DRC4: variants seen among roughly 807,000 people sequenced by gnomAD.
DRC4 encodes the protein GAS-11.
At chr16:90,020,006 G>T in the DRC4 span, 9 of 699,690 alleles carry the variant, frequency 1.3e-5, no homozygotes, top group Non-Finnish European at 1.3e-5. Context: ...CGCCAAGGCA[G>T]TTTCGATGAA....
the DRC4 span, among the ~76,000 whole-genome samples, chr16:90,022,379 G>C: frequency 1.3e-5 from 2 of 152,132 alleles, no homozygotes; most frequent in African/African-American, 4.8e-5. Context: ...TCATCAGCAC[G>C]TCTTTACTGA....
chr16:90,024,560 G>C, the DRC4 span, among the ~76,000 whole-genome samples: 3 of 152,172 alleles, frequency 2.0e-5, no homozygotes, highest in African/African-American at 7.2e-5. Context: ...CACAGCTACA[G>C]AATCAGGGTC....
chr16:90,032,336 C>T, the DRC4 span, among the ~76,000 whole-genome samples: 8 of 144,668 alleles, frequency 5.5e-5, no homozygotes, highest in African/African-American at 2.1e-4. Flanking sequence ...CAGGAGTGTA[C>T]AGGTATGTAC....
the DRC4 span, chr16:90,042,332 C>G: frequency 2.8e-6 from 2 of 717,722 alleles, no homozygotes; most frequent in South Asian, 1.5e-5. Flanking sequence ...TGCTGACAAC[C>G]CTGTGTGGAT....
chr16:90,025,870 C>CAAA, the DRC4 span, among the ~76,000 whole-genome samples: 2 of 84,710 alleles, frequency 2.4e-5, no homozygotes, highest in African/African-American at 4.2e-5. Flanking sequence ...GACTCCATCT[C>CAAA]AAAAAAAAAA....
the DRC4 span, chr16:90,036,543 A>G: frequency 1.9e-6 from 3 of 1,604,312 alleles, no homozygotes; most frequent in Non-Finnish European, 1.7e-6. Flanking sequence ...AACTACTACA[A>G]CGACATCACC....
the DRC4 span, among the ~76,000 whole-genome samples, chr16:90,027,220 G>C: frequency 6.6e-6 from 1 of 151,762 alleles, no homozygotes; most frequent in East Asian, 1.9e-4. Context: ...CGAGTAGCTG[G>C]GACTACAGGC....
the DRC4 span, chr16:90,032,921 G>C: frequency 1.2e-6 from 2 of 1,612,928 alleles, no homozygotes; most frequent in Non-Finnish European, 8.5e-7. Flanking sequence ...AGAACCTGCG[G>C]CTGGTAGGTG....
chr16:90,044,026 A>G, the DRC4 span: 1 of 433,142 alleles, frequency 2.3e-6, no homozygotes, highest in Non-Finnish European at 4.7e-6. Context: ...ATAAGGGGAT[A>G]GCAGCAAACC....
At chr16:90,030,297 A>G in the DRC4 span, among the ~76,000 whole-genome samples, 50 of 151,938 alleles carry the variant, frequency 3.3e-4, no homozygotes, top group South Asian at 8.1e-3. Context: ...TTAATGTGAT[A>G]TTTCTCCTAG....
the DRC4 span, among the ~76,000 whole-genome samples, chr16:90,039,067 A>C: frequency 6.6e-6 from 1 of 152,248 alleles, no homozygotes. Flanking sequence ...GTCCTGCACG[A>C]CGTGCATTGC....
At chr16:90,019,846 G>A in the DRC4 span, 1 of 686,970 alleles carries the variant, frequency 1.5e-6, no homozygotes, top group South Asian at 1.5e-5. This position sits in a 1 kb window ranked among gnomAD's most constrained non-coding sequence, Gnocchi z 6.1. Context: ...CCTGACTCGC[G>A]CTGGGTAATG....
chr16:90,043,817 G>C, the DRC4 span: 2 of 467,706 alleles, frequency 4.3e-6, no homozygotes, highest in African/African-American at 4.0e-5. Flanking sequence ...GTGAGCCAAT[G>C]CTCCCTGATG....
At chr16:90,031,117 G>A in the DRC4 span, 1 of 1,381,654 alleles carries the variant, frequency 7.2e-7, no homozygotes, top group Non-Finnish European at 9.7e-7. Flanking sequence ...TCTGCCACCT[G>A]CTGAATGCAT....
the DRC4 span, among the ~76,000 whole-genome samples, chr16:90,032,182 TGTACAGGTGAGGTGTGTTACAGGTAC>T: frequency 3.4e-5 from 5 of 148,498 alleles, no homozygotes; most frequent in Non-Finnish European, 7.4e-5. Context: ...GGTACAGGTA[TGTACAGGTGAGGTGTGTTACAGGTAC>T]GGTGCAGGTG....
At chr16:90,035,680 A>C in the DRC4 span, 1 of 1,614,082 alleles carries the variant, frequency 6.2e-7, no homozygotes, top group South Asian at 1.1e-5. Flanking sequence ...TTGAGAGGCA[A>C]GTTCGAGGTC....
At chr16:90,036,730 A>G in the DRC4 span, 1 of 773,154 alleles carries the variant, frequency 1.3e-6, no homozygotes, top group South Asian at 1.5e-5. Flanking sequence ...CCCCTCTCAT[A>G]TCCTTAACTG....
the DRC4 span, among the ~76,000 whole-genome samples, chr16:90,034,720 A>AT: frequency 6.6e-6 from 1 of 151,334 alleles, no homozygotes; most frequent in Non-Finnish European, 1.5e-5. Flanking sequence ...GTTCATTAAA[A>AT]CTATATATTT....
the DRC4 span, chr16:90,029,413 T>G: frequency 2.2e-6 from 2 of 897,910 alleles, no homozygotes; most frequent in Non-Finnish European, 3.2e-6. Context: ...CAAGAGAAGC[T>G]GGAAATCTGG....
Sources: gnomAD v4.1 joint callset for allele counts (sites outside exome capture counted in the v4.1 genomes callset) on GRCh38, gnomAD v4.1.1 for gene constraint, Gnocchi (gnomAD v3.1) non-coding constraint, MANE v1.5 for transcripts, NCBI Gene and HGNC (gene_info 2026-07-23, HGNC 2026-07-21) for gene names.